KIAA0513: variants seen among roughly 807,000 people sequenced by gnomAD.
KIAA0513 encodes the protein KIAA0513.
Under a neutral mutation model 56.5 loss-of-function variants are expected in KIAA0513, and 39 were observed. The ratio of observed to expected loss-of-function variants is 0.69; its 90% CI spans 0.53 to 0.90. KIAA0513 has a LOEUF of 0.90. Ranked by LOEUF, KIAA0513 falls within the 40% of genes least tolerant of loss-of-function variation. The pLI is 0.00. For missense variants in KIAA0513, 591 were observed against 535.2 expected (o/e 1.10, Z -1.03); for synonymous variants, 268 against 215.6 (o/e 1.24, Z -2.13).
intron 1 of KIAA0513, among the ~76,000 whole-genome samples, chr16:85,050,695 C>T (rs528874709): frequency 6.6e-6 from 1 of 152,172 alleles, no homozygotes; most frequent in Non-Finnish European, 1.5e-5. Context: ...TTGTTTTCCG[C>T]AGTGTGGTAG....
intron 1 of KIAA0513, among the ~76,000 whole-genome samples, chr16:85,062,667 A>G (rs1272587273): frequency 6.6e-6 from 1 of 152,204 alleles, no homozygotes; most frequent in East Asian, 1.9e-4. Flanking sequence ...ATTAGTTGCC[A>G]GTGTTGAAAA....
At chr16:85,067,535 G>T in intron 2 of KIAA0513, 135 bp downstream of exon 2, 1 of 683,752 alleles carries the variant, frequency 1.5e-6, no homozygotes, top group Non-Finnish European at 2.4e-6. Context: ...AGCCAGGGGT[G>T]GCGACTGCAG....
intron 1 of KIAA0513, among the ~76,000 whole-genome samples, chr16:85,044,447 G>C (rs2073143862): frequency 6.6e-6 from 1 of 152,012 alleles, no homozygotes; most frequent in Non-Finnish European, 1.5e-5. Flanking sequence ...GGTCCCTGCT[G>C]TTCTGGAAAC....
At chr16:85,079,855 C>G (rs897609247) in intron 8 of KIAA0513, 1 of 152,206 alleles carries the variant, frequency 6.6e-6, no homozygotes, top group Non-Finnish European at 1.5e-5. Flanking sequence ...AAGTGTGAGA[C>G]CAGTGTTGCA....
chr16:85,034,762 G>A (rs559213674), intron 1 of KIAA0513, among the ~76,000 whole-genome samples: 2 of 152,262 alleles, frequency 1.3e-5, no homozygotes, highest in Admixed American at 6.5e-5. Flanking sequence ...ACAGTATAAC[G>A]TAGCCAAGGT....
chr16:85,031,566 C>T (rs2072965073), intron 1 of KIAA0513, among the ~76,000 whole-genome samples: 1 of 152,190 alleles, frequency 6.6e-6, no homozygotes, highest in Non-Finnish European at 1.5e-5. Flanking sequence ...AGGGCAACTG[C>T]ACAGGTGCTG....
intron 10 of KIAA0513, 81 bp downstream of exon 10, chr16:85,082,674 G>C: frequency 1.4e-6 from 2 of 1,411,392 alleles, no homozygotes; most frequent in South Asian, 1.2e-5. Flanking sequence ...GCTGTGCACT[G>C]TGCTGAGCTG....
At chr16:85,041,609 C>A (rs916335352) in intron 1 of KIAA0513, among the ~76,000 whole-genome samples, 5 of 152,166 alleles carry the variant, frequency 3.3e-5, no homozygotes, top group African/African-American at 7.2e-5. Flanking sequence ...CAAAGTAACA[C>A]CTTTTGTCTC....
At position 85,091,817 on chromosome 16, in the gene KIAA0513, G is replaced by C. The variant is rs2073870607; in HGVS notation, c.*3492G>C. 1 of 152,236 alleles carries C rather than the reference G, an allele frequency of 6.6e-6. No homozygotes were observed. The highest frequency in any genetic ancestry group is 1.5e-5 in the Non-Finnish European group (1 of 68,068). 9.4% of individuals were successfully genotyped at this position (152,236 alleles called of 1,614,324 possible). ...TTGGTATTCCAGACCCCTGACATGA[G>C]GAATGCAGGTTCACACTGTAAAGAG... On this transcript the variant is annotated 3_prime_UTR_variant, in exon 13 of 13. Coordinates refer to ENST00000683363, the MANE Select transcript of KIAA0513 (RefSeq NM_001388359.1).
chr16:85,055,156 G>A (rs1274781180), intron 1 of KIAA0513, among the ~76,000 whole-genome samples: 1 of 151,918 alleles, frequency 6.6e-6, no homozygotes, highest in African/African-American at 2.4e-5. Flanking sequence ...CTCCTGGACT[G>A]AAGTGAGCCT....
intron 4 of KIAA0513, among the ~76,000 whole-genome samples, chr16:85,074,435 A>G (rs1451283790): frequency 6.6e-6 from 1 of 152,032 alleles, no homozygotes; most frequent in East Asian, 1.9e-4. Flanking sequence ...CTCCTTCGTC[A>G]GCCTCCCAAA....
rs1314704979 is a variant in KIAA0513, at chr16:85,081,283, G to A, written c.903-32G>A. On this transcript the variant is annotated intron_variant, in intron 8 of 12. Transcript: ENST00000683363. This position sits in a 1 kb window ranked among gnomAD's most constrained non-coding sequence, Gnocchi z 4.4. ...ACCCGTGTCCTCCCCGCCTCCCCTT[G>A]GAGAGAGTGTGACTGGGGCTCTGTC... 2 of 1,608,802 alleles carry A rather than the reference G, an allele frequency of 1.2e-6. No homozygotes were observed. The highest frequency in any genetic ancestry group is 1.7e-6 in the Non-Finnish European group (2 of 1,175,678).
Position 85,081,827 on chromosome 16 carries a change from C to G in KIAA0513, c.980+435C>G, listed in dbSNP as rs1201323029. On this transcript the variant is annotated intron_variant, in intron 9 of 12. Transcript: ENST00000683363. This position sits in a 1 kb window ranked among gnomAD's most constrained non-coding sequence, Gnocchi z 4.4. ...AATGCAGTTGCCGCTCGCAACTCAC[C>G]TCTTGGGTCTGCAGCCTGAGCAGAC... Among the ~76,000 whole-genome samples, 1 of 152,208 alleles carries G rather than the reference C, an allele frequency of 6.6e-6. No homozygotes were observed. Among genetic ancestry groups the G allele is most frequent in the Non-Finnish European group, 1.5e-5 (1 of 68,028 alleles).
intron 1 of KIAA0513, among the ~76,000 whole-genome samples, chr16:85,032,592 C>G (rs1269832867): frequency 6.6e-6 from 1 of 152,072 alleles, no homozygotes; most frequent in African/African-American, 2.4e-5. Flanking sequence ...CTTGGCCTCT[C>G]AAGTGGTGGG....
At position 85,090,562 on chromosome 16, in the gene KIAA0513, C is replaced by T. The variant is rs2073857478; in HGVS notation, c.*2237C>T. The T allele has an allele frequency of 6.6e-6, 1 of 152,188 alleles. No individual in the cohort carries two copies. 9.4% of individuals were successfully genotyped at this position (152,188 alleles called of 1,614,324 possible). Reference sequence around the variant, plus strand: ...AATGGTCTTGACACTTTTTTCTCCACATAGACTCTTGAAATAGCCATTTCA... The same window carrying T: ...AATGGTCTTGACACTTTTTTCTCCATATAGACTCTTGAAATAGCCATTTCA... On this transcript the variant is annotated 3_prime_UTR_variant, in exon 13 of 13. Coordinates refer to ENST00000683363, the MANE Select transcript of KIAA0513 (RefSeq NM_001388359.1).
At chr16:85,057,674 G>T (rs945688693) in intron 1 of KIAA0513, among the ~76,000 whole-genome samples, 13 of 152,304 alleles carry the variant, frequency 8.5e-5, no homozygotes, top group Non-Finnish European at 1.2e-4. Context: ...CTTCAGTCCT[G>T]GGCCACGAGG....
In KIAA0513 at chr16:85,076,602, A is replaced by C. The variant is rs750564280; in HGVS notation, c.574+688A>C. Among the ~76,000 whole-genome samples, 2 of 151,702 alleles carry C rather than the reference A, an allele frequency of 1.3e-5. No individual in the cohort carries two copies. The highest frequency in any genetic ancestry group is 2.9e-5 in the Non-Finnish European group (2 of 67,898). Reference sequence around the variant, plus strand: ...GTCCCCCGTGCTTTCCTCTCTCGGGACCCGCGTGCTCACTCTTGGGGTGTA... The same window carrying C: ...GTCCCCCGTGCTTTCCTCTCTCGGGCCCCGCGTGCTCACTCTTGGGGTGTA... On this transcript the variant is annotated intron_variant, in intron 5 of 12. Coordinates refer to ENST00000683363, the MANE Select transcript of KIAA0513 (RefSeq NM_001388359.1). This position sits in a 1 kb window ranked among gnomAD's most constrained non-coding sequence, Gnocchi z 4.7.
rs1294493795 is a variant in KIAA0513, at chr16:85,093,284, C to A, written c.*4959C>A. On this transcript the variant is annotated 3_prime_UTR_variant, in exon 13 of 13. Coordinates refer to ENST00000683363, the MANE Select transcript of KIAA0513 (RefSeq NM_001388359.1). ...GGGTGGGGGTGGGGTTTCTTAGTTA[C>A]TGTTGGAAAGGGAAAAATTCACCAT... 6.6e-6 allele frequency: 1 copy of A among 152,080 alleles called. No homozygotes were observed. The highest frequency in any genetic ancestry group is 1.5e-5 in the Non-Finnish European group (1 of 68,016). The allele number at this position is 152,080 out of a possible 1,614,324, so 9.4% of individuals were successfully genotyped here. A position where few individuals can be genotyped will look rare whatever the true frequency, so the allele number is the denominator to read the frequency against.
intron 10 of KIAA0513, among the ~76,000 whole-genome samples, chr16:85,083,100 T>C (rs765619082): frequency 1.3e-5 from 2 of 152,208 alleles, no homozygotes; most frequent in Non-Finnish European, 2.9e-5. Flanking sequence ...TTGGGTGTCC[T>C]GGGGCCGCCA....
Sources: gnomAD v4.1 joint callset for allele counts (sites outside exome capture counted in the v4.1 genomes callset) on GRCh38, gnomAD v4.1.1 for gene constraint, Gnocchi (gnomAD v3.1) non-coding constraint, MANE v1.5 for transcripts, NCBI Gene and HGNC (gene_info 2026-07-23, HGNC 2026-07-21) for gene names.